The following SLC35B1 variants were observed in gnomAD, a reference collection of about 807,000 sequenced individuals.
SLC35B1 encodes solute carrier family 35 member B1.
SLC35B1 carries 27 observed loss-of-function variants against 36.6 expected under a neutral mutation model. The observed-to-expected ratio is 0.74, with a 90% CI of 0.54 to 1.02. The LOEUF (loss-of-function observed/expected upper bound fraction) is 1.02, where lower values mean the gene tolerates loss of function less well. SLC35B1 is among the 50% of genes least tolerant of loss of function. The pLI is 0.00. For missense variants in SLC35B1, 321 were observed against 383.2 expected (o/e 0.84, Z 1.35); for synonymous variants, 162 against 152.5 (o/e 1.06, Z -0.46).
At chr17:49,704,972 T>C (rs2143656479) in intron 5 of SLC35B1, 152 bp downstream of exon 5, 1 of 673,120 alleles carries the variant, frequency 1.5e-6, no homozygotes, top group East Asian at 2.6e-5. Context: ...ATGGCATTAA[T>C]AGAGTCAGGG....
Position 49,705,210 on chromosome 17 carries a change from C to A in SLC35B1, c.442G>T (p.Val148Leu). ...LAKYLCVLLIVAGVALFMYKP... is the reference protein window; with the variant it reads ...LAKYLCVLLILAGVALFMYKP... ...TACATGAAAAGGGCCACTCCAGCCA[C>A]AATTAACAGCACACACAGGTACTTG... The change falls in exon 5 of 9, where the codon GTG (valine) becomes TTG (leucine). Residue 148 changes from valine to leucine, a missense_variant. By Grantham distance (32) the Val-to-Leu change is conservative. Transcript: ENST00000240333. 6.2e-7 allele frequency: 1 copy of A among 1,614,220 alleles called. No homozygotes were observed. Among genetic ancestry groups the A allele is most frequent in the Non-Finnish European group, 8.5e-7 (1 of 1,180,028 alleles).
At position 49,705,633 on chromosome 17, in the gene SLC35B1, T is replaced by C. The variant is rs2073406379; in HGVS notation, c.370+233A>G. 8 of 605,182 alleles carry C rather than the reference T, an allele frequency of 1.3e-5. No individual in the cohort carries two copies. The South Asian group carries it at 1.6e-4, about 12-fold the overall frequency. 37.5% of individuals were successfully genotyped at this position (605,182 alleles called of 1,614,324 possible). A position where few individuals can be genotyped will look rare whatever the true frequency, so the allele number is the denominator to read the frequency against. On this transcript the variant is annotated intron_variant, in intron 4 of 8. Transcript: ENST00000240333. ...TAAACACATGCAACACAGAAATGGC[T>C]GACCAAGTGAAGCAGGCTAGGTCAG...
chr17:49,703,851 G>A (rs1385724465), intron 6 of SLC35B1: 2 of 464,142 alleles, frequency 4.3e-6, no homozygotes, highest in South Asian at 2.1e-5. Context: ...ACCTCCCTGT[G>A]TTTTACTACT....
upstream of SLC35B1, chr17:49,708,140 T>G (rs1028957498): frequency 4.3e-6 from 3 of 696,890 alleles, no homozygotes; most frequent in Non-Finnish European, 7.8e-6. Context: ...GCCCTGGAGA[T>G]TTTTCCAATC....
rs576025471 is a variant in SLC35B1, at chr17:49,705,812, A to G, written c.370+54T>C. ...AGGGACACAGTTGTAGCAGAGAGAG[A>G]GCTTACTATAGGAAGAGTGACGACA... On this transcript the variant is annotated intron_variant, in intron 4 of 8. Transcript: ENST00000240333. 1.8e-4 allele frequency: 284 copies of G among 1,556,592 alleles called. 5 individuals are homozygous for G. In the South Asian group the frequency reaches 2.8e-3, roughly 15 times the overall value.
rs2073427392 is a variant in SLC35B1, at chr17:49,707,014, T to G, written c.159A>C (p.Leu53Phe). 1 of 1,614,056 alleles carries G rather than the reference T, an allele frequency of 6.2e-7. No individual in the cohort carries two copies. Among genetic ancestry groups the G allele is most frequent in the Admixed American group, 1.7e-5 (1 of 60,026 alleles). The change falls in exon 2 of 9, where the codon TTA (leucine) becomes TTC (phenylalanine). Residue 53 changes from leucine (L) to phenylalanine (F), a missense_variant. By Grantham distance (22) the Leu-to-Phe change is conservative. Coordinates refer to ENST00000240333, the MANE Select transcript of SLC35B1 (RefSeq NM_005827.4). ...TCACACATTGAATGAAGACCAAAGT[T>G]AAGGCAAAGGTGAACGTCTCCTGCT... ...GAKQETFTFA[L>F]TLVFIQCVIN...
chr17:49,707,982 A>G, upstream of SLC35B1: 1 of 1,507,140 alleles, frequency 6.6e-7, no homozygotes, highest in Non-Finnish European at 9.0e-7. Flanking sequence ...AGGGCCCAGC[A>G]GTCACTACCA....
At chr17:49,707,207 G>A (rs2073430119) in intron 1 of SLC35B1, 139 bp from the exon 2 acceptor site, 9 of 1,316,968 alleles carry the variant, frequency 6.8e-6, no homozygotes, top group Non-Finnish European at 8.3e-6. Flanking sequence ...GGACCACTAG[G>A]CTCATTTGCA....
At chr17:49,704,627 A>G (rs1252993585) in intron 5 of SLC35B1, among the ~76,000 whole-genome samples, 5 of 152,220 alleles carry the variant, frequency 3.3e-5, no homozygotes, top group Non-Finnish European at 7.3e-5. Flanking sequence ...CAAATAGCCA[A>G]GTGACCATGG....
At chr17:49,701,758 A>G (rs1377669971) in intron 8 of SLC35B1, 8 of 431,080 alleles carry the variant, frequency 1.9e-5, no homozygotes, top group Non-Finnish European at 1.3e-5. Context: ...AGATACATAT[A>G]TAATACAGCA....
intron 2 of SLC35B1, 27 bp from the exon 3 acceptor site, chr17:49,706,361 A>AAC: frequency 1.6e-6 from 2 of 1,253,690 alleles, no homozygotes; most frequent in Non-Finnish European, 2.1e-6. Context: ...AAAAAAAAAA[A>AAC]AAAAGAAAAG....
intron 1 of SLC35B1, chr17:49,707,297 A>G: frequency 2.8e-6 from 4 of 1,453,304 alleles, no homozygotes; most frequent in Non-Finnish European, 3.6e-6. Context: ...AATACCCGAA[A>G]AAGACGGAGA....
intron 2 of SLC35B1, 23 bp from the exon 3 acceptor site, chr17:49,706,357 A>AAAAAAAAG (rs2073419034): frequency 1.5e-6 from 2 of 1,316,712 alleles, no homozygotes; most frequent in African/African-American, 1.5e-5. Context: ...AAAAAAAAAA[A>AAAAAAAAG]AAAAAAAAGA....
intron 5 of SLC35B1, 91 bp from the exon 6 acceptor site, chr17:49,704,317 G>A: frequency 6.7e-7 from 1 of 1,482,662 alleles, no homozygotes; most frequent in Non-Finnish European, 9.2e-7. Flanking sequence ...AGGCTCCTTG[G>A]AAAGCCACTG....
chr17:49,705,786 G>T, intron 4 of SLC35B1, 80 bp downstream of exon 4: 2 of 1,387,526 alleles, frequency 1.4e-6, no homozygotes, highest in Non-Finnish European at 2.1e-6. Flanking sequence ...ATGAAGCCGA[G>T]AGGGACACAG....
intron 4 of SLC35B1, 61 bp downstream of exon 4, chr17:49,705,805 G>T: frequency 6.6e-7 from 1 of 1,513,806 alleles, no homozygotes; most frequent in Non-Finnish European, 9.2e-7. Flanking sequence ...AGTTGTAGCA[G>T]AGAGAGAGCT....
chr17:49,703,254 A>G lies in SLC35B1; in HGVS notation c.696T>C (p.Phe232=). The change falls in exon 7 of 9, where the codon TTT becomes TTC. Residue 232 remains phenylalanine, a synonymous_variant. Coordinates refer to ENST00000240333, the MANE Select transcript of SLC35B1 (RefSeq NM_005827.4). ...AGATGATGGCAGGGTACCTTTCAGCAAAGCTCAAGAACTCCCAGAGCTCCC... is the reference window on the plus strand; with the variant it reads ...AGATGATGGCAGGGTACCTTTCAGCGAAGCTCAAGAACTCCCAGAGCTCCC... ...FTGELWEFLS[F]AERYPAIIYN... The G allele has an allele frequency of 6.2e-7, 1 of 1,614,022 alleles. No homozygotes were observed. Among genetic ancestry groups the G allele is most frequent in the Non-Finnish European group, 8.5e-7 (1 of 1,179,936 alleles).
At chr17:49,701,979 A>G in intron 8 of SLC35B1, 1 of 337,016 alleles carries the variant, frequency 3.0e-6, no homozygotes. Flanking sequence ...TATAATCGCA[A>G]CTACTCGGGA....
At chr17:49,703,733 T>G (rs75544113) in intron 6 of SLC35B1, 35,607 of 321,842 alleles carry the variant, frequency 0.11, 2,086 homozygotes, top group Non-Finnish European at 0.12. Context: ...AGCACTGATT[T>G]CAAAGCAAAT....
Sources: gnomAD v4.1 joint callset for allele counts (sites outside exome capture counted in the v4.1 genomes callset) on GRCh38, gnomAD v4.1.1 for gene constraint, MANE v1.5 for transcripts, NCBI Gene and HGNC (gene_info 2026-07-23, HGNC 2026-07-21) for gene names.